KCNG3: variants seen among roughly 807,000 people sequenced by gnomAD.
KCNG3 encodes the protein voltage-gated potassium channel regulatory subunit KCNG3.
A neutral mutation model predicts 29.0 loss-of-function variants in KCNG3; 15 were observed. The ratio of observed to expected loss-of-function variants is 0.52; its 90% CI spans 0.35 to 0.80. The LOEUF (loss-of-function observed/expected upper bound fraction) is 0.80, where lower values mean the gene tolerates loss of function less well. KCNG3 is among the 30% of genes least tolerant of loss of function. KCNG3 has a pLI of 0.01. For missense variants in KCNG3, 512 were observed against 605.7 expected (o/e 0.85, Z 1.62); for synonymous variants, 322 against 248.9 (o/e 1.29, Z -2.76).
the KCNG3 span, among the ~76,000 whole-genome samples, chr2:42,414,913 T>C: frequency 6.6e-6 from 1 of 152,258 alleles, no homozygotes; most frequent in Non-Finnish European, 1.5e-5. Context: ...CTTACTTCAC[T>C]GATACCAGTT....
chr2:42,493,146 C>T lies in KCNG3; in HGVS notation c.356G>A (p.Arg119His). Residue 119 changes from arginine (R) to histidine (H), a missense_variant, in exon 1 of 2, where the codon CGC becomes CAC. Coordinates refer to ENST00000306078, the MANE Select transcript of KCNG3 (RefSeq NM_133329.6). Reference protein sequence around the residue: ...EYCCQRRLDDRMSDTYTFYSA... With the variant: ...EYCCQRRLDDHMSDTYTFYSA... ...GTAGAAGGTGTAGGTGTCGGACATGCGGTCGTCGAGGCGGCGCTGGCAGCA... is the reference window on the plus strand; with the variant it reads ...GTAGAAGGTGTAGGTGTCGGACATGTGGTCGTCGAGGCGGCGCTGGCAGCA... 1 of 1,605,598 alleles carries T rather than the reference C, an allele frequency of 6.2e-7. No homozygotes were observed. The highest frequency in any genetic ancestry group is 1.7e-5 in the Admixed American group (1 of 59,774).
chr2:42,389,021 G>C, the KCNG3 span, among the ~76,000 whole-genome samples: 1 of 152,024 alleles, frequency 6.6e-6, no homozygotes, highest in African/African-American at 2.4e-5. Flanking sequence ...AGGTTCACGC[G>C]ATTCTCCTGT....
intron 1 of KCNG3, among the ~76,000 whole-genome samples, chr2:42,462,661 G>A (rs113362331): frequency 0.049 from 7,387 of 152,140 alleles, 237 homozygotes; most frequent in South Asian, 0.16. Flanking sequence ...CAGCCTGGGC[G>A]ACAGAGTGAG....
At chr2:42,451,705 G>A (rs907733523) in intron 1 of KCNG3, among the ~76,000 whole-genome samples, 2 of 151,982 alleles carry the variant, frequency 1.3e-5, no homozygotes, top group Admixed American at 1.3e-4. Flanking sequence ...CAACCTGGGC[G>A]ACAGAGCAAG....
intron 1 of KCNG3, among the ~76,000 whole-genome samples, chr2:42,461,424 G>C (rs1673014988): frequency 6.6e-6 from 1 of 151,920 alleles, no homozygotes; most frequent in Admixed American, 6.6e-5. Context: ...CAGAAATCAG[G>C]GTGCACTTCT....
At chr2:42,400,152 T>C in the KCNG3 span, among the ~76,000 whole-genome samples, 754 of 152,066 alleles carry the variant, frequency 5.0e-3, 4 homozygotes, top group Admixed American at 8.6e-3. Flanking sequence ...CTGGCATGGG[T>C]GGTCTTAGTC....
chr2:42,466,846 G>C (rs1019491038), intron 1 of KCNG3, among the ~76,000 whole-genome samples: 1 of 148,486 alleles, frequency 6.7e-6, no homozygotes, highest in Non-Finnish European at 1.5e-5. Flanking sequence ...TCTGCCACCC[G>C]GGTTCAAGCG....
Position 42,442,912 on chromosome 2 carries a change from A to G in KCNG3, c.*1022T>C, listed in dbSNP as rs1264228496. 1 of 152,224 alleles carries G rather than the reference A, an allele frequency of 6.6e-6. No individual in the cohort carries two copies. The highest frequency in any genetic ancestry group is 1.5e-5 in the Non-Finnish European group (1 of 68,028). The allele number at this position is 152,224 out of a possible 1,614,324, so 9.4% of individuals were successfully genotyped here. A position where few individuals can be genotyped will look rare whatever the true frequency, so the allele number is the denominator to read the frequency against. On this transcript the variant is annotated 3_prime_UTR_variant, in exon 2 of 2. Coordinates refer to ENST00000306078, the MANE Select transcript of KCNG3 (RefSeq NM_133329.6). ...ACTGGCTTAAAATTGACTTAGCTACACAGCAACTAAGAGTACAGTAATATT... is the reference window on the plus strand; with the variant it reads ...ACTGGCTTAAAATTGACTTAGCTACGCAGCAACTAAGAGTACAGTAATATT...
intron 1 of KCNG3, among the ~76,000 whole-genome samples, chr2:42,474,420 C>A (rs892703163): frequency 2.1e-5 from 3 of 145,706 alleles, no homozygotes; most frequent in Admixed American, 6.8e-5. Flanking sequence ...CCCAGCTACT[C>A]GGGAGGCTGA....
At chr2:42,414,956 C>G in the KCNG3 span, among the ~76,000 whole-genome samples, 1 of 152,142 alleles carries the variant, frequency 6.6e-6, no homozygotes, top group Non-Finnish European at 1.5e-5. Flanking sequence ...TTTAAGCATA[C>G]TTTTTATTTT....
At chr2:42,401,718 G>A in the KCNG3 span, among the ~76,000 whole-genome samples, 7 of 152,054 alleles carry the variant, frequency 4.6e-5, no homozygotes, top group East Asian at 1.9e-4. Context: ...GATTACGGAC[G>A]TGAGCCACTA....
rs904770546 is a variant in KCNG3, at chr2:42,442,348, G to T, written c.*1586C>A. ...TGACAAAGAAGTGTGATTTTTCCAG[G>T]CTTTTCTCAGAACCCAGAGATGTGT... On this transcript the variant is annotated 3_prime_UTR_variant, in exon 2 of 2. Coordinates refer to ENST00000306078, the MANE Select transcript of KCNG3 (RefSeq NM_133329.6). The T allele has an allele frequency of 6.6e-6, 1 of 152,130 alleles. No homozygotes were observed. The highest frequency in any genetic ancestry group is 2.4e-5 in the African/African-American group (1 of 41,428). The allele number at this position is 152,130 out of a possible 1,614,324, so 9.4% of individuals were successfully genotyped here.
the KCNG3 span, among the ~76,000 whole-genome samples, chr2:42,434,402 T>C: frequency 8.2e-6 from 1 of 122,378 alleles, no homozygotes; most frequent in South Asian, 2.5e-4. Context: ...GAGGTTGCAA[T>C]GAGGAGTGAT....
downstream of KCNG3, among the ~76,000 whole-genome samples, chr2:42,438,865 G>A (rs1015903474): frequency 1.1e-4 from 17 of 152,206 alleles, no homozygotes; most frequent in African/African-American, 3.4e-4. Flanking sequence ...GATATGCCCA[G>A]GTTTCTGAGT....
At chr2:42,406,427 C>T in the KCNG3 span, among the ~76,000 whole-genome samples, 1 of 150,686 alleles carries the variant, frequency 6.6e-6, no homozygotes, top group African/African-American at 2.4e-5. Context: ...CCATATTGGT[C>T]AGGCTGGTCT....
At chr2:42,460,420 T>C (rs1334936955) in intron 1 of KCNG3, among the ~76,000 whole-genome samples, 4 of 152,062 alleles carry the variant, frequency 2.6e-5, no homozygotes, top group Admixed American at 6.5e-5. Flanking sequence ...TAAAAGAAGA[T>C]AAAACAGACT....
chr2:42,415,321 T>C, the KCNG3 span, among the ~76,000 whole-genome samples: 2 of 152,318 alleles, frequency 1.3e-5, no homozygotes, highest in East Asian at 3.9e-4. Context: ...TTTCTGGTTA[T>C]AACCCTATAG....
chr2:42,425,463 T>A, the KCNG3 span, among the ~76,000 whole-genome samples: 4 of 145,882 alleles, frequency 2.7e-5, no homozygotes, highest in African/African-American at 1.0e-4. Context: ...ATGCGGGGTG[T>A]AGAGTGTGGG....
chr2:42,482,142 C>CA (rs746075822), intron 1 of KCNG3, among the ~76,000 whole-genome samples: 7 of 152,210 alleles, frequency 4.6e-5, no homozygotes, highest in Admixed American at 6.5e-5. Context: ...TCATTGAAAG[C>CA]AAGGACTTTG....
Sources: allele counts gnomAD v4.1 joint callset (sites outside exome capture counted in the v4.1 genomes callset), GRCh38; gene constraint gnomAD v4.1.1; transcripts MANE v1.5; gene names NCBI Gene and HGNC (gene_info 2026-07-23, HGNC 2026-07-21).